The following PSG9 variants were observed in gnomAD, a reference collection of about 807,000 sequenced individuals.
PSG9 encodes the protein pregnancy-specific beta-1-glycoprotein 9.
A neutral mutation model predicts 41.9 loss-of-function variants in PSG9; 49 were observed. That is an observed-to-expected ratio of 1.17 (90% CI 0.93 to 1.48). The LOEUF (loss-of-function observed/expected upper bound fraction) is 1.48, where lower values mean the gene tolerates loss of function less well. Ranked by LOEUF, PSG9 falls within the 40% of genes most tolerant of loss-of-function variation. PSG9 has a pLI of 0.00. For missense variants in PSG9, 641 were observed against 520.3 expected, an observed-to-expected ratio of 1.23 and a Z score of -2.26; for synonymous variants, 263 against 196.8, an observed-to-expected ratio of 1.34 and a Z score of -2.82.
Position 43,259,225 on chromosome 19 carries a change from C to G in PSG9, c.710-90G>C, listed in dbSNP as rs1968595983. 9 of 1,523,214 alleles carry G rather than the reference C, an allele frequency of 5.9e-6. 1 individual carries two copies. The highest frequency in any genetic ancestry group is 1.5e-5 in the African/African-American group (1 of 68,706). 94.4% of individuals were successfully genotyped at this position (1,523,214 alleles called of 1,614,324 possible). A position where few individuals can be genotyped will look rare whatever the true frequency, so the allele number is the denominator to read the frequency against. ...CAATCAGAGTTGGCATCTCCCACCT[C>G]TCAGCCCACCCGAGTCCTTGAAAGC... On this transcript the variant is annotated intron_variant, in intron 3 of 5. Coordinates refer to ENST00000270077, the MANE Select transcript of PSG9 (RefSeq NM_002784.5).
rs906067743 is a variant in PSG9, at chr19:43,254,239, G to A, written c.1244-593C>T. Among the ~76,000 whole-genome samples the A allele has an allele frequency of 2.3e-4, 33 of 146,242 alleles. 7 individuals are homozygous for A. The highest frequency in any genetic ancestry group is 7.0e-4 in the African/African-American group (27 of 38,494). ...ACATAGACATTATTTCCATTTTGCC[G>A]ATGAAAAGACAGAAGCTTAGCATGG... is the stretch of plus-strand genomic sequence containing the variant. On this transcript the variant is annotated intron_variant, in intron 5 of 5. Transcript: ENST00000270077.
chr19:43,266,967 A>C (rs1000257509), intron 2 of PSG9, among the ~76,000 whole-genome samples: 2 of 152,176 alleles, frequency 1.3e-5, no homozygotes, highest in African/African-American at 4.8e-5. Context: ...CACCTGACCT[A>C]ATGCTTGGCA....
intron 2 of PSG9, among the ~76,000 whole-genome samples, chr19:43,262,870 G>C (rs1244811982): frequency 1.3e-5 from 2 of 152,158 alleles, no homozygotes; most frequent in Non-Finnish European, 2.9e-5. Context: ...CATGTTCCCT[G>C]TTCTGGGTCC....
chr19:43,264,843 A>G (rs771167132), intron 2 of PSG9, among the ~76,000 whole-genome samples: 1 of 152,166 alleles, frequency 6.6e-6, no homozygotes, highest in African/African-American at 2.4e-5. Flanking sequence ...CAAGCTTGTT[A>G]TATGCCTGAC....
intron 2 of PSG9, among the ~76,000 whole-genome samples, chr19:43,267,121 G>A (rs1969006370): frequency 6.6e-6 from 1 of 152,080 alleles, no homozygotes; most frequent in South Asian, 2.1e-4. Flanking sequence ...ACTTTCTATG[G>A]ACTGTCCTAA....
At chr19:43,262,474 C>G (rs1319954433) in intron 2 of PSG9, among the ~76,000 whole-genome samples, 1 of 152,158 alleles carries the variant, frequency 6.6e-6, no homozygotes, top group Admixed American at 6.5e-5. Context: ...TTGTGGTCCT[C>G]ACTTGGAGCA....
intron 2 of PSG9, among the ~76,000 whole-genome samples, chr19:43,262,835 G>A (rs1432379524): frequency 6.6e-6 from 1 of 152,194 alleles, no homozygotes; most frequent in Non-Finnish European, 1.5e-5. Context: ...GGGCCAGGCA[G>A]TAGCTGATAG....
chr19:43,258,686 G>C (rs374096371), intron 4 of PSG9, among the ~76,000 whole-genome samples, 171 bp downstream of exon 4: 15 of 145,944 alleles, frequency 1.0e-4, no homozygotes, highest in South Asian at 4.4e-4. Context: ...TTATATTCTT[G>C]GTTAAGGCTG....
chr19:43,256,117 A>G (rs1203701601), intron 5 of PSG9, among the ~76,000 whole-genome samples: 1 of 146,932 alleles, frequency 6.8e-6, no homozygotes, highest in Non-Finnish European at 1.5e-5. Context: ...GGGAAGGGAC[A>G]GTGTTCTCAC....
In PSG9 at chr19:43,261,784, G is replaced by A. The variant is rs1481044012; in HGVS notation, c.709+76C>T. 6 of 1,613,640 alleles carry A rather than the reference G, an allele frequency of 3.7e-6. No individual in the cohort carries two copies. The Admixed American group carries it at 6.7e-5, about 18-fold the overall frequency. ...AGGTCTCTGTACTTGGACCTGAGAG[G>A]GACTGAGAGGCCTGGCCTCTGGCCA... On this transcript the variant is annotated intron_variant, in intron 3 of 5. Coordinates refer to ENST00000270077, the MANE Select transcript of PSG9 (RefSeq NM_002784.5).
intron 2 of PSG9, among the ~76,000 whole-genome samples, chr19:43,262,976 G>T (rs1031307472): frequency 6.6e-6 from 1 of 152,326 alleles, no homozygotes; most frequent in South Asian, 2.1e-4. Context: ...CTGACTGGTG[G>T]AAAGGGTGAA....
chr19:43,256,106 G>A (rs1968435362), intron 5 of PSG9, among the ~76,000 whole-genome samples: 1 of 146,790 alleles, frequency 6.8e-6, no homozygotes, highest in Non-Finnish European at 1.5e-5. Context: ...CATTTACAAT[G>A]GGGAAGGGAC....
Position 43,261,860 on chromosome 19 carries a change from G to C in PSG9, c.709C>G (p.Pro237Ala). 1 of 1,614,048 alleles carries C rather than the reference G, an allele frequency of 6.2e-7. No homozygotes were observed. Among genetic ancestry groups the C allele is most frequent in the Non-Finnish European group, 8.5e-7 (1 of 1,179,932 alleles). ...RSDPVTLNLLPKLPIPYITIN... is the reference protein window; with the variant it reads ...RSDPVTLNLLAKLPIPYITIN... Reference sequence around the variant, plus strand: ...TCACAGAGGAACAGAAGATACTCACGGAGGAGATTCAGGGTGACTGGGTCA... The same window carrying C: ...TCACAGAGGAACAGAAGATACTCACCGAGGAGATTCAGGGTGACTGGGTCA... The change falls in exon 3 of 6, where the codon CCG becomes GCG. Residue 237 changes from proline to alanine, a missense_variant and splice_region_variant. Coordinates refer to ENST00000270077, the MANE Select transcript of PSG9 (RefSeq NM_002784.5).
In PSG9 at chr19:43,267,810, A is replaced by G. The variant is rs368452558; in HGVS notation, c.404T>C (p.Ile135Thr). The G allele has an allele frequency of 1.2e-6, 2 of 1,613,060 alleles. No homozygotes were observed. The highest frequency in any genetic ancestry group is 2.2e-5 in the East Asian group (1 of 44,856). The change falls in exon 2 of 6, where the codon ATT becomes ACT. Residue 135 changes from isoleucine (I) to threonine (T), a missense_variant. By Grantham distance (89) the Ile-to-Thr change is moderately conservative (BLOSUM62 -1). Transcript: ENST00000270077. ...IKRGDETREE[I>T]RHFTFTLYLE... is the part of the protein sequence containing the mutation. ...GTATAAGGTGAAGGTGAAATGTCGA[A>G]TTTCTTCTCTAGTCTCATCACCTCG...
chr19:43,266,758 A>C (rs978806022), intron 2 of PSG9, among the ~76,000 whole-genome samples: 3 of 152,008 alleles, frequency 2.0e-5, no homozygotes, highest in Non-Finnish European at 4.4e-5. Flanking sequence ...GTAAGCCCTC[A>C]CTTCTGGTGG....
chr19:43,266,360 T>C (rs552992303), intron 2 of PSG9, among the ~76,000 whole-genome samples: 7,101 of 151,652 alleles, frequency 0.047, 300 homozygotes, highest in Admixed American at 0.11. Context: ...GCATGCAAAT[T>C]CAGTCTCTAA....
chr19:43,262,096 G>C lies in PSG9; in HGVS notation c.473C>G (p.Pro158Arg), dbSNP rs1397046917. The change falls in exon 3 of 6, where the codon CCC becomes CGC. Residue 158 changes from proline to arginine, a missense_variant. Transcript: ENST00000270077. ...GCGCACAGCCTCCATGGCCTCCCTG[G>C]GGTTTAAGTTGCTGCTGGAGATGTA... The part of the protein sequence containing the change: ...KPYISSSNLN[P>R]REAMEAVRLI... The C allele has an allele frequency of 2.5e-6, 4 of 1,613,764 alleles. No homozygotes were observed. Among genetic ancestry groups the C allele is most frequent in the African/African-American group, 2.7e-5 (2 of 74,868 alleles).
rs1349279633 is a variant in PSG9 at position 43,258,517 on chromosome 19, C to G, written c.989-61G>C. On this transcript the variant is annotated intron_variant, in intron 4 of 5. Coordinates refer to ENST00000270077, the MANE Select transcript of PSG9 (RefSeq NM_002784.5). ...TTCGAGGGAAGGGGATGTTCCTGGT[C>G]TCTTAAAGGGACACAGTGACCCTCT... is the stretch of plus-strand genomic sequence containing the variant. 2 of 1,502,216 alleles carry G rather than the reference C, an allele frequency of 1.3e-6. 1 individual carries two copies. Among genetic ancestry groups the G allele is most frequent in the Admixed American group, 4.3e-5 (2 of 46,546 alleles). 93.1% of individuals were successfully genotyped at this position (1,502,216 alleles called of 1,614,324 possible).
In PSG9 at chr19:43,268,131, C is replaced by T; in HGVS notation, c.83G>A (p.Trp28Ter). 2.5e-6 allele frequency: 4 copies of T among 1,607,798 alleles called. No individual in the cohort carries two copies. In the South Asian group the frequency reaches 4.4e-5, roughly 18 times the overall value. Residue 28 changes from tryptophan to a stop codon, truncating the protein, a stop_gained, in exon 2 of 6, where the codon TGG becomes TAG. Coordinates refer to ENST00000270077, the MANE Select transcript of PSG9 (RefSeq NM_002784.5). LOFTEE classifies it high-confidence loss of function. The stretch of plus-strand genomic sequence containing the variant: ...GACTTCGGCAGTGGTGGGCGGGTTC[C>T]AGAAGTTTAAAAGTGATGCTAGGAG... Reference protein sequence around the residue: ...LLLTASLLNFWNPPTTAEVTI... With the variant: ...LLLTASLLNF
Sources: gnomAD v4.1 joint callset for allele counts (sites outside exome capture counted in the v4.1 genomes callset) on GRCh38, gnomAD v4.1.1 for gene constraint, MANE v1.5 for transcripts, NCBI Gene and HGNC (gene_info 2026-07-23, HGNC 2026-07-21) for gene names.